The following GAS6 variants were observed in gnomAD, a reference collection of about 807,000 sequenced individuals.
GAS6 encodes the protein growth arrest-specific protein 6.
GAS6 carries 41 observed loss-of-function variants against 75.8 expected under a neutral mutation model. The ratio of observed to expected loss-of-function variants is 0.54; its 90% CI spans 0.42 to 0.70. The LOEUF is 0.70. Among genes scored for constraint, GAS6 ranks in the 30% least tolerant of loss-of-function variants. The probability of loss-of-function intolerance (pLI) is 0.00; values close to 1 mark genes in which losing one functional copy is unlikely to be tolerated. For synonymous variants in GAS6, 432 were observed against 412.6 expected, an observed-to-expected ratio of 1.05 and a Z score of -0.57; for missense variants, 854 against 940.2, an observed-to-expected ratio of 0.91 and a Z score of 1.20.
chr13:113,825,234 CAAAAA>C (rs71105207), intron 12 of GAS6, among the ~76,000 whole-genome samples: 4 of 58,370 alleles, frequency 6.9e-5, no homozygotes, highest in Admixed American at 1.9e-4. Context: ...AACTCCGTCT[CAAAAA>C]AAAAAAAAAA....
At position 113,826,921 on chromosome 13, in the gene GAS6, C is replaced by T. The variant is rs185738064; in HGVS notation, c.1477+75G>A. ...TTGTCCTGACGCTGCCATCTGAGGC[C>T]GTCTGCTTGCTTTCAGCGTATGCCT... On this transcript the variant is annotated intron_variant, in intron 12 of 14. Coordinates refer to ENST00000327773, the MANE Select transcript of GAS6 (RefSeq NM_000820.4). 281 of 1,058,750 alleles carry T rather than the reference C, an allele frequency of 2.7e-4. 2 individuals are homozygous for T. The highest frequency in any genetic ancestry group is 3.2e-4 in the Non-Finnish European group (266 of 818,614). The allele number at this position is 1,058,750 out of a possible 1,614,324, so 65.6% of individuals were successfully genotyped here.
chr13:113,838,167 T>C lies in GAS6; in HGVS notation c.491A>G (p.Asn164Ser), dbSNP rs2051736707. ...GTGGCAGATCTGGAGGCAGCCCCCG[T>C]TCTCCTGGCTGCATTCGTTGACATC... ...DKDVNECSQENGGCLQICHNK... is the reference protein window; with the variant it reads ...DKDVNECSQESGGCLQICHNK... The change falls in exon 6 of 15, where the codon AAC becomes AGC. Residue 164 changes from asparagine (N) to serine (S), a missense_variant. Physicochemically the swap from Asn to Ser is conservative, Grantham distance 46. Transcript: ENST00000327773. 1 of 1,612,718 alleles carries C rather than the reference T, an allele frequency of 6.2e-7. No homozygotes were observed. Among genetic ancestry groups the C allele is most frequent in the Non-Finnish European group, 8.5e-7 (1 of 1,179,888 alleles).
intron 3 of GAS6, among the ~76,000 whole-genome samples, chr13:113,847,378 A>C (rs1369147642): frequency 6.6e-6 from 1 of 152,254 alleles, no homozygotes; most frequent in African/African-American, 2.4e-5. Context: ...ATTAAAAAGA[A>C]GACCCTGGAA....
At chr13:113,835,879 T>TG in intron 6 of GAS6, 1 of 1,234,586 alleles carries the variant, frequency 8.1e-7, no homozygotes, top group Non-Finnish European at 1.0e-6. Flanking sequence ...GGTGGAGAGC[T>TG]GGGAAGGGCC....
In GAS6 at chr13:113,863,129, T is replaced by C; in HGVS notation, c.255+446A>G. Among the ~76,000 whole-genome samples, 1 of 152,172 alleles carries C rather than the reference T, an allele frequency of 6.6e-6. No individual in the cohort carries two copies. Among genetic ancestry groups the C allele is most frequent in the Non-Finnish European group, 1.5e-5 (1 of 68,008 alleles). On this transcript the variant is annotated intron_variant, in intron 2 of 14. Transcript: ENST00000327773. The surrounding 1 kb of genome is among the most constrained non-coding windows in gnomAD (Gnocchi z 9.4). ...ATTCCTGGAATCTTATTTTTGGACC[T>C]GCTGCCGCAAGCAGTTCCCGCCCTC... is the stretch of plus-strand genomic sequence containing the variant.
chr13:113,830,827 T>G (rs1222894497), intron 10 of GAS6, among the ~76,000 whole-genome samples: 2 of 151,674 alleles, frequency 1.3e-5, no homozygotes, highest in African/African-American at 4.9e-5. Flanking sequence ...CCAGGCGACC[T>G]CGCCTCAGGC....
At chr13:113,857,553 C>T (rs564943138) in intron 2 of GAS6, among the ~76,000 whole-genome samples, 16 of 152,124 alleles carry the variant, frequency 1.1e-4, no homozygotes, top group Non-Finnish European at 1.8e-4. Context: ...CCTTAGAAAA[C>T]AGGGGAAAAT....
At chr13:113,823,594 G>C (rs1230910207) in intron 12 of GAS6, 44 bp from the exon 13 acceptor site, 1 of 1,562,052 alleles carries the variant, frequency 6.4e-7, no homozygotes, top group Non-Finnish European at 8.7e-7. Flanking sequence ...GCACGGTGGA[G>C]AGGCCACAGT....
At chr13:113,832,189 G>A (rs1288911135) in intron 10 of GAS6, 110 bp downstream of exon 10, 12 of 1,250,530 alleles carry the variant, frequency 9.6e-6, no homozygotes, top group Non-Finnish European at 1.3e-5. Context: ...GCACGCAGCA[G>A]ATGCAGGCCC....
At chr13:113,829,047 T>C (rs1468874283) in intron 10 of GAS6, among the ~76,000 whole-genome samples, 741 of 57,586 alleles carry the variant, frequency 0.013, 65 homozygotes, top group African/African-American at 0.032. Context: ...AGGGTCTCAA[T>C]CTCAGGCAGA....
intron 12 of GAS6, 143 bp from the exon 13 acceptor site, chr13:113,823,693 TCAA>T (rs1409063646): frequency 1.2e-6 from 1 of 813,332 alleles, no homozygotes; most frequent in African/African-American, 1.8e-5. Flanking sequence ...GATGGAAAAC[TCAA>T]CAGACTGGTT....
At chr13:113,832,988 C>T in intron 8 of GAS6, 1 of 1,423,712 alleles carries the variant, frequency 7.0e-7, no homozygotes, top group Non-Finnish European at 9.2e-7. Flanking sequence ...TCCCCGTCAT[C>T]TCCTTCCCTG....
chr13:113,820,842 G>T lies in GAS6; in HGVS notation c.*22C>A. The T allele has an allele frequency of 1.2e-6, 2 of 1,603,618 alleles. No homozygotes were observed. The highest frequency in any genetic ancestry group is 1.7e-6 in the Non-Finnish European group (2 of 1,177,610). On this transcript the variant is annotated 3_prime_UTR_variant, in exon 15 of 15. Transcript: ENST00000327773. ...GGCTGTCTCGGACAGAGACTGAGAA[G>T]CCTGCCGCGTCCCGTGGGGGCCTAG... is the stretch of plus-strand genomic sequence containing the variant.
In GAS6 at chr13:113,848,079, C is replaced by G; in HGVS notation, c.256-29G>C. 1 of 1,611,114 alleles carries G rather than the reference C, an allele frequency of 6.2e-7. No individual in the cohort carries two copies. Among genetic ancestry groups the G allele is most frequent in the South Asian group, 1.1e-5 (1 of 90,964 alleles). The stretch of plus-strand genomic sequence containing the variant: ...TGGAAAAAGAAAAAGAAAAGGCAAG[C>G]ATTGACCGGCACACTACGAGGGTCT... On this transcript the variant is annotated intron_variant, in intron 2 of 14. Coordinates refer to ENST00000327773, the MANE Select transcript of GAS6 (RefSeq NM_000820.4). The surrounding 1 kb of genome is among the most constrained non-coding windows in gnomAD (Gnocchi z 4.8).
At chr13:113,859,105 TGTCA>T (rs1430151654) in intron 2 of GAS6, among the ~76,000 whole-genome samples, 2 of 149,992 alleles carry the variant, frequency 1.3e-5, no homozygotes, top group Non-Finnish European at 2.9e-5. Context: ...TGTGCATGTC[TGTCA>T]GTGTGTGGCT....
Position 113,863,848 on chromosome 13 carries a change from C to T in GAS6, c.73G>A (p.Ala25Thr). The T allele has an allele frequency of 7.8e-7, 1 of 1,275,554 alleles. No individual in the cohort carries two copies. The highest frequency in any genetic ancestry group is 9.8e-7 in the Non-Finnish European group (1 of 1,016,006). The allele number at this position is 1,275,554 out of a possible 1,614,324, so 79.0% of individuals were successfully genotyped here. ...APQLLLLLLA[A>T]ECALAALLPA... ...CGGGACTCACCAAGCGCGCACTCCG[C>T]GGCCAGCAGCAGCAGCAGCAGCTGC... is the stretch of plus-strand genomic sequence containing the variant. Residue 25 changes from alanine (A) to threonine (T), a missense_variant, in exon 1 of 15, where the codon GCG becomes ACG. Coordinates refer to ENST00000327773, the MANE Select transcript of GAS6 (RefSeq NM_000820.4). This position sits in a 1 kb window ranked among gnomAD's most constrained non-coding sequence, Gnocchi z 9.4.
intron 4 of GAS6, chr13:113,843,369 G>C (rs1401965181): frequency 6.6e-6 from 1 of 152,030 alleles, no homozygotes; most frequent in Non-Finnish European, 1.5e-5. Flanking sequence ...CGGGCGGCCA[G>C]GGCCTTTCCC....
rs571376001 is a variant in GAS6 at position 113,831,777 on chromosome 13, G to A, written c.1143+522C>T. On this transcript the variant is annotated intron_variant, in intron 10 of 14. Transcript: ENST00000327773. ...GTCCCCCGGAGCATGAACTAAACGG[G>A]GCAGGGGTCCCCGTCCCCCGGAGCA... Among the ~76,000 whole-genome samples the A allele has an allele frequency of 1.9e-4, 28 of 144,924 alleles. No homozygotes were observed. In the South Asian group the frequency reaches 2.1e-3, roughly 11 times the overall value.
At chr13:113,847,741 A>T (rs933143758) in intron 3 of GAS6, 2 of 454,826 alleles carry the variant, frequency 4.4e-6, no homozygotes, top group African/African-American at 4.0e-5. Context: ...GACAAAATCA[A>T]TTACACGTCC....
Sources: allele counts gnomAD v4.1 joint callset (sites outside exome capture counted in the v4.1 genomes callset), GRCh38; gene constraint gnomAD v4.1.1; non-coding constraint Gnocchi (gnomAD v3.1); transcripts MANE v1.5; gene names NCBI Gene and HGNC (gene_info 2026-07-23, HGNC 2026-07-21).